The following ATF7IP2 variants were observed in gnomAD, a reference collection of about 807,000 sequenced individuals.
ATF7IP2 encodes the protein activating transcription factor 7 interacting protein 2, also known as activating transcription factor 7-interacting protein 2.
Under a neutral mutation model 64.2 loss-of-function variants are expected in ATF7IP2, and 42 were observed. The observed-to-expected ratio is 0.65, with a 90% CI of 0.51 to 0.85. The LOEUF is 0.85. ATF7IP2 is among the 40% of genes least tolerant of loss of function. ATF7IP2 has a pLI of 0.00. For missense variants in ATF7IP2, 933 were observed against 784.2 expected, an observed-to-expected ratio of 1.19 and a Z score of -2.27; for synonymous variants, 308 against 272.8, an observed-to-expected ratio of 1.13 and a Z score of -1.27.
At chr16:10,410,490 A>T (rs927801007) in intron 1 of ATF7IP2, among the ~76,000 whole-genome samples, 3 of 152,130 alleles carry the variant, frequency 2.0e-5, no homozygotes, top group African/African-American at 7.2e-5. Context: ...GTATCCAGAA[A>T]CTTTGCTGAA....
At chr16:10,460,033 A>G (rs1259290576) in intron 9 of ATF7IP2, among the ~76,000 whole-genome samples, 1 of 152,190 alleles carries the variant, frequency 6.6e-6, no homozygotes, top group East Asian at 1.9e-4. Context: ...TATGAAATCT[A>G]GTGAAACCTA....
chr16:10,465,275 C>G (rs1327254338), intron 9 of ATF7IP2, among the ~76,000 whole-genome samples: 1 of 152,156 alleles, frequency 6.6e-6, no homozygotes, highest in African/African-American at 2.4e-5. Flanking sequence ...CATTCTGTCT[C>G]CAGAAACTAT....
At chr16:10,459,950 A>G (rs2049319278) in intron 9 of ATF7IP2, among the ~76,000 whole-genome samples, 1 of 152,168 alleles carries the variant, frequency 6.6e-6, no homozygotes, top group African/African-American at 2.4e-5. Context: ...AAATCGGGGG[A>G]AAAGGAAAAA....
intron 8 of ATF7IP2, among the ~76,000 whole-genome samples, chr16:10,452,678 G>A (rs951715128): frequency 1.1e-4 from 17 of 152,156 alleles, no homozygotes; most frequent in African/African-American, 3.6e-4. Flanking sequence ...AGTCCTGTCC[G>A]GCAGGGACAT....
At position 10,472,165 on chromosome 16, in the gene ATF7IP2, A is replaced by G. The variant is rs763389327; in HGVS notation, c.1408A>G (p.Ile470Val). 7.7e-6 allele frequency: 12 copies of G among 1,562,780 alleles called. No homozygotes were observed. The highest frequency in any genetic ancestry group is 2.3e-5 in the East Asian group (1 of 43,996). ...GGAAAGTCCTAATTTGACAACTCCAATTACATCAAATCCAACAGGTATCTT... is the reference window on the plus strand; with the variant it reads ...GGAAAGTCCTAATTTGACAACTCCAGTTACATCAAATCCAACAGGTATCTT... ...SVESPNLTTP[I>V]TSNPTDTRKI... The change falls in exon 10 of 14, where the codon ATT becomes GTT. Residue 470 changes from isoleucine to valine, a missense_variant. Physicochemically the swap from Ile to Val is conservative, Grantham distance 29. Transcript: ENST00000562102.
At chr16:10,421,751 A>G (rs966570933) in intron 3 of ATF7IP2, among the ~76,000 whole-genome samples, 1 of 152,218 alleles carries the variant, frequency 6.6e-6, no homozygotes, top group African/African-American at 2.4e-5. Context: ...CACTGTGGAC[A>G]TTTTTTACGA....
At position 10,430,979 on chromosome 16, in the gene ATF7IP2, G is replaced by T; in HGVS notation, c.359G>T (p.Ser120Ile). ...GTTGTTTGTTCGTACCAAAAGCCAA[G>T]TAGAACAACAGAATCCCCCAGCAGA... Reference protein sequence around the residue: ...EQVVCSYQKPSRTTESPSRVF... With the variant: ...EQVVCSYQKPIRTTESPSRVF... Residue 120 changes from serine to isoleucine, a missense_variant, in exon 5 of 14, where the codon AGT (serine) becomes ATT (isoleucine). By Grantham distance (142) the Ser-to-Ile change is moderately radical. Transcript: ENST00000562102. 6.2e-7 allele frequency: 1 copy of T among 1,614,136 alleles called. No homozygotes were observed. Among genetic ancestry groups the T allele is most frequent in the Non-Finnish European group, 8.5e-7 (1 of 1,180,018 alleles).
At chr16:10,411,258 CTA>C (rs1414501205) in intron 1 of ATF7IP2, among the ~76,000 whole-genome samples, 1 of 151,062 alleles carries the variant, frequency 6.6e-6, no homozygotes, top group African/African-American at 2.4e-5. Flanking sequence ...CCCTCTTTCT[CTA>C]TCTTTTGGAA....
intron 8 of ATF7IP2, among the ~76,000 whole-genome samples, chr16:10,455,266 T>A (rs1249586796): frequency 6.6e-6 from 1 of 152,072 alleles, no homozygotes; most frequent in Non-Finnish European, 1.5e-5. Context: ...CTCATTTTAA[T>A]CAAAAGGGTT....
chr16:10,405,200 TAA>T (rs879893228), intron 1 of ATF7IP2, among the ~76,000 whole-genome samples: 1 of 142,460 alleles, frequency 7.0e-6, no homozygotes. Context: ...CGGTCTCTAC[TAA>T]AAAAAAAAAA....
chr16:10,454,661 C>T (rs1399055219), intron 8 of ATF7IP2, among the ~76,000 whole-genome samples: 1 of 151,996 alleles, frequency 6.6e-6, no homozygotes, highest in African/African-American at 2.4e-5. Context: ...GAGACCTTTT[C>T]TAACATTAAA....
chr16:10,464,791 A>C (rs945446764), intron 9 of ATF7IP2, among the ~76,000 whole-genome samples: 1 of 152,192 alleles, frequency 6.6e-6, no homozygotes, highest in Non-Finnish European at 1.5e-5. Context: ...ACTATTTTGC[A>C]TGTGTTGCTC....
rs868612716 is a variant in ATF7IP2 at position 10,483,092 on chromosome 16, T to G, written c.*843T>G. ...TTCTAAGTGGGCTATTCATTTGTGC[T>G]CTCCTCTTTTTTGTTTTGTTTTGCA... On this transcript the variant is annotated 3_prime_UTR_variant, in exon 14 of 14. Transcript: ENST00000562102. The G allele has an allele frequency of 9.9e-5, 15 of 152,230 alleles. No homozygotes were observed. The highest frequency in any genetic ancestry group is 6.2e-4 in the South Asian group (3 of 4,836). The allele number at this position is 152,230 out of a possible 1,614,324, so 9.4% of individuals were successfully genotyped here.
At chr16:10,430,545 A>T in intron 4 of ATF7IP2, 66 bp from the exon 5 acceptor site, 1 of 894,574 alleles carries the variant, frequency 1.1e-6, no homozygotes, top group Non-Finnish European at 1.7e-6. Context: ...AAATAACTTT[A>T]ATTCAGTAGT....
intron 7 of ATF7IP2, 124 bp downstream of exon 7, chr16:10,438,359 C>G: frequency 1.1e-6 from 1 of 952,214 alleles, no homozygotes; most frequent in Non-Finnish European, 1.5e-6. Flanking sequence ...ATCCTACCAC[C>G]TCAGTCTCCA....
intron 1 of ATF7IP2, among the ~76,000 whole-genome samples, chr16:10,392,260 A>T (rs1390372345): frequency 6.6e-6 from 1 of 151,700 alleles, no homozygotes. Flanking sequence ...GCTGGTCTTG[A>T]ACTACTGACC....
At chr16:10,412,883 G>T (rs2047799712) in intron 1 of ATF7IP2, among the ~76,000 whole-genome samples, 1 of 152,084 alleles carries the variant, frequency 6.6e-6, no homozygotes, top group Admixed American at 6.5e-5. Flanking sequence ...ATATTTTTCT[G>T]TTGGATAATG....
intron 8 of ATF7IP2, among the ~76,000 whole-genome samples, chr16:10,457,149 A>T (rs911633718): frequency 3.3e-5 from 5 of 152,298 alleles, no homozygotes; most frequent in Admixed American, 1.3e-4. Flanking sequence ...TTTCCATCCA[A>T]GCTAGGAAGT....
chr16:10,387,021 G>A (rs1236769523), intron 1 of ATF7IP2: 2 of 152,162 alleles, frequency 1.3e-5, no homozygotes, highest in Non-Finnish European at 2.9e-5. Context: ...AATATGTATG[G>A]AAGAAGAGGA....
Sources: allele counts gnomAD v4.1 joint callset (sites outside exome capture counted in the v4.1 genomes callset), GRCh38; gene constraint gnomAD v4.1.1; transcripts MANE v1.5; gene names NCBI Gene and HGNC (gene_info 2026-07-23, HGNC 2026-07-21).